Variants in OLFM4 observed in about 807,000 individuals in gnomAD.
OLFM4 encodes olfactomedin-4.
In OLFM4, 22 loss-of-function variants were observed where a neutral mutation model predicts 25.5. The observed-to-expected ratio is 0.86, with a 90% CI of 0.62 to 1.23. The LOEUF (loss-of-function observed/expected upper bound fraction) is 1.23. OLFM4 is among the 50% of genes most tolerant of loss of function. OLFM4 has a pLI of 0.00. For synonymous variants in OLFM4, 255 were observed against 237.7 expected (o/e 1.07, Z -0.67); for missense variants, 594 against 619.4 (o/e 0.96, Z 0.44).
At chr13:53,044,193 G>A (rs1162303146) in intron 4 of OLFM4, among the ~76,000 whole-genome samples, 1 of 152,154 alleles carries the variant, frequency 6.6e-6, no homozygotes, top group African/African-American at 2.4e-5. Flanking sequence ...TAATAATGTT[G>A]ATAATTGAAG....
chr13:53,031,768 C>T (rs1023786911), intron 1 of OLFM4, among the ~76,000 whole-genome samples: 2 of 152,146 alleles, frequency 1.3e-5, no homozygotes, highest in African/African-American at 4.8e-5. Context: ...GTTAATTGAA[C>T]ACGTGCTTAG....
At position 53,050,147 on chromosome 13, in the gene OLFM4, T is replaced by C; in HGVS notation, c.909T>C (p.Tyr303=). The C allele has an allele frequency of 1.2e-6, 2 of 1,614,036 alleles. No individual in the cohort carries two copies. Among genetic ancestry groups the C allele is most frequent in the Non-Finnish European group, 1.7e-6 (2 of 1,179,948 alleles). Residue 303 remains tyrosine, a synonymous_variant, in exon 5 of 5, where the codon TAT becomes TAC. Coordinates refer to ENST00000219022, the MANE Select transcript of OLFM4 (RefSeq NM_006418.5). Reference sequence around the variant, plus strand: ...CAGATGGGAGACTGTTGGAGTATTATAGACTGTACAACACACTGGATGATT... The same window carrying C: ...CAGATGGGAGACTGTTGGAGTATTACAGACTGTACAACACACTGGATGATT... ...LNTDGRLLEY[Y]RLYNTLDDLL...
intron 1 of OLFM4, among the ~76,000 whole-genome samples, chr13:53,032,115 T>A (rs979503283): frequency 6.6e-6 from 1 of 152,216 alleles, no homozygotes; most frequent in Non-Finnish European, 1.5e-5. Flanking sequence ...AGATGTTCAA[T>A]AGAAACCGAT....
At chr13:53,036,217 A>G (rs1262138474) in intron 2 of OLFM4, among the ~76,000 whole-genome samples, 3 of 152,232 alleles carry the variant, frequency 2.0e-5, no homozygotes, top group Non-Finnish European at 2.9e-5. Context: ...AATGTCCTTG[A>G]ATTAATCAGT....
intron 4 of OLFM4, among the ~76,000 whole-genome samples, chr13:53,044,890 T>A (rs1954707542): frequency 6.6e-6 from 1 of 152,160 alleles, no homozygotes; most frequent in Non-Finnish European, 1.5e-5. Flanking sequence ...CCAACACCCC[T>A]TGCAAATCCT....
chr13:53,031,646 G>A (rs188212152), intron 1 of OLFM4, among the ~76,000 whole-genome samples: 2 of 152,308 alleles, frequency 1.3e-5, no homozygotes, highest in East Asian at 1.9e-4. Context: ...AGGCTGGTTT[G>A]AAAAAACAAG....
intron 2 of OLFM4, among the ~76,000 whole-genome samples, 171 bp downstream of exon 2, chr13:53,034,671 A>C (rs1954648495): frequency 1.3e-5 from 2 of 152,228 alleles, no homozygotes; most frequent in African/African-American, 4.8e-5. Flanking sequence ...TTATTAAGGC[A>C]GGGAAAATGA....
rs879207129 is a variant in OLFM4 at position 53,034,507 on chromosome 13, A to G, written c.357+7A>G. 2.5e-6 allele frequency: 4 copies of G among 1,599,142 alleles called. No individual in the cohort carries two copies. Among genetic ancestry groups the G allele is most frequent in the Non-Finnish European group, 3.4e-6 (4 of 1,174,334 alleles). ...TGAGAAAGAACTTTCCAAAGTAAGC[A>G]TTTTCTTTTCAAACAATATCTTGAT... On this transcript the variant is annotated splice_region_variant and intron_variant, in intron 2 of 4. Transcript: ENST00000219022.
At chr13:53,039,071 G>A (rs1954674283) in intron 2 of OLFM4, among the ~76,000 whole-genome samples, 1 of 150,246 alleles carries the variant, frequency 6.7e-6, no homozygotes, top group Admixed American at 6.6e-5. Context: ...TCCAGAATAT[G>A]CCTTGCTTTT....
chr13:53,031,747 C>T (rs1358611015), intron 1 of OLFM4, among the ~76,000 whole-genome samples: 1 of 152,148 alleles, frequency 6.6e-6, no homozygotes, highest in African/African-American at 2.4e-5. Flanking sequence ...ATAGTGTAGA[C>T]ATCAGTAAAT....
At position 53,034,391 on chromosome 13, in the gene OLFM4, G is replaced by C; in HGVS notation, c.248G>C (p.Cys83Ser). 6.2e-7 allele frequency: 1 copy of C among 1,614,074 alleles called. No individual in the cohort carries two copies. The highest frequency in any genetic ancestry group is 2.2e-5 in the East Asian group (1 of 44,868). Reference protein sequence around the residue: ...FTGSVDDRGTCQCSVSLPDTT... With the variant: ...FTGSVDDRGTSQCSVSLPDTT... ...GGCTCCGTGGATGACCGTGGGACCT[G>C]CCAGTGCTCTGTTTCCCTGCCAGAC... Residue 83 changes from cysteine to serine, a missense_variant, in exon 2 of 5, where the codon TGC (cysteine) becomes TCC (serine). Transcript: ENST00000219022.
chr13:53,048,098 A>G (rs1954724919), intron 4 of OLFM4, among the ~76,000 whole-genome samples: 2 of 152,234 alleles, frequency 1.3e-5, no homozygotes, highest in African/African-American at 2.4e-5. Flanking sequence ...TTTTGTTATC[A>G]TTAAACTGAA....
intron 1 of OLFM4, among the ~76,000 whole-genome samples, chr13:53,032,246 G>C (rs1414613220): frequency 6.6e-6 from 1 of 152,164 alleles, no homozygotes; most frequent in Non-Finnish European, 1.5e-5. Context: ...GATATCCACT[G>C]TTTTCTGAGT....
chr13:53,042,282 G>A (rs1447345828), intron 3 of OLFM4, among the ~76,000 whole-genome samples, 160 bp downstream of exon 3: 1 of 152,198 alleles, frequency 6.6e-6, no homozygotes, highest in Non-Finnish European at 1.5e-5. Context: ...TTGGATAAGG[G>A]CATGTGTTTG....
At chr13:53,048,192 G>A (rs1954725508) in intron 4 of OLFM4, among the ~76,000 whole-genome samples, 1 of 152,114 alleles carries the variant, frequency 6.6e-6, no homozygotes, top group South Asian at 2.1e-4. Flanking sequence ...ATCACTTTTA[G>A]TAGAAGAAAT....
intron 4 of OLFM4, among the ~76,000 whole-genome samples, chr13:53,044,141 G>T (rs899885345): frequency 6.6e-6 from 1 of 152,192 alleles, no homozygotes; most frequent in Non-Finnish European, 1.5e-5. Context: ...GGGAAGCTCG[G>T]AACCTTATGA....
In OLFM4 at chr13:53,041,969, C is replaced by T. The variant is rs754397075; in HGVS notation, c.417C>T (p.Val139=). The change falls in exon 3 of 5, where the codon GTC becomes GTT. Residue 139 remains valine, a synonymous_variant. Coordinates refer to ENST00000219022, the MANE Select transcript of OLFM4 (RefSeq NM_006418.5). The part of the protein sequence containing the change: ...VYEKKLLNLT[V]RIDIMEKDTI... Reference sequence around the variant, plus strand: ...AAAAGAAACTGTTAAACCTAACTGTCCGAATTGACATCATGGAGAAGGATA... The same window carrying T: ...AAAAGAAACTGTTAAACCTAACTGTTCGAATTGACATCATGGAGAAGGATA... 1.1e-5 allele frequency: 17 copies of T among 1,613,762 alleles called. No homozygotes were observed. Among genetic ancestry groups the T allele is most frequent in the African/African-American group, 1.3e-5 (1 of 74,886 alleles).
At chr13:53,044,125 G>A (rs553661589) in intron 4 of OLFM4, among the ~76,000 whole-genome samples, 128 of 152,216 alleles carry the variant, frequency 8.4e-4, no homozygotes, top group Non-Finnish European at 1.5e-3. Context: ...TAATGAGTCA[G>A]TGCTTGGGAA....
intron 3 of OLFM4, 150 bp from the exon 4 acceptor site, chr13:53,042,955 A>G: frequency 1.0e-5 from 6 of 598,246 alleles, no homozygotes; most frequent in South Asian, 2.7e-5. Flanking sequence ...ATGCTAAACC[A>G]TAAAATGTAT....
Sources: allele counts gnomAD v4.1 joint callset (sites outside exome capture counted in the v4.1 genomes callset), GRCh38; gene constraint gnomAD v4.1.1; transcripts MANE v1.5; gene names NCBI Gene and HGNC (gene_info 2026-07-23, HGNC 2026-07-21).